The following LDB2 variants were observed in gnomAD, a reference collection of about 807,000 sequenced individuals.
LDB2 encodes the protein LIM domain-binding protein 2.
Under a neutral mutation model 44.3 loss-of-function variants are expected in LDB2, and 12 were observed. That is an observed-to-expected ratio of 0.27 (90% CI 0.17 to 0.44). The LOEUF is 0.44. Among genes scored for constraint, LDB2 ranks in the 20% least tolerant of loss-of-function variants. The pLI is 1.00. For synonymous variants in LDB2, 164 were observed against 174.8 expected (o/e 0.94, Z 0.49); for missense variants, 344 against 473.5 (o/e 0.73, Z 2.54).
At chr4:16,750,510 T>A (rs1053974859) in intron 2 of LDB2, among the ~76,000 whole-genome samples, 6 of 152,174 alleles carry the variant, frequency 3.9e-5, no homozygotes, top group African/African-American at 1.4e-4. Context: ...GGCTCATGAG[T>A]ACAGTGTCTG....
At chr4:16,560,412 A>G (rs1741637206) in intron 5 of LDB2, among the ~76,000 whole-genome samples, 1 of 152,212 alleles carries the variant, frequency 6.6e-6, no homozygotes, top group Non-Finnish European at 1.5e-5. Context: ...AGAAATACAA[A>G]CTACCATCAG....
chr4:16,565,430 C>T (rs886894162), intron 5 of LDB2, among the ~76,000 whole-genome samples: 5 of 151,370 alleles, frequency 3.3e-5, no homozygotes, highest in South Asian at 2.1e-4. Context: ...TGATAAAATT[C>T]GACATCCATT....
chr4:16,803,881 A>G (rs1384310543), intron 1 of LDB2, among the ~76,000 whole-genome samples: 4 of 152,254 alleles, frequency 2.6e-5, no homozygotes, highest in Non-Finnish European at 5.9e-5. Flanking sequence ...TAAAAAATAT[A>G]TAACTAATAT....
intron 2 of LDB2, among the ~76,000 whole-genome samples, chr4:16,621,167 C>G (rs927092396): frequency 6.6e-6 from 1 of 152,134 alleles, no homozygotes; most frequent in Non-Finnish European, 1.5e-5. Flanking sequence ...AGACTCATAA[C>G]GGGGGAGCAT....
intron 1 of LDB2, among the ~76,000 whole-genome samples, chr4:16,821,134 C>T (rs998379933): frequency 5.3e-5 from 8 of 152,110 alleles, no homozygotes; most frequent in African/African-American, 1.7e-4. Flanking sequence ...AAATATTTTA[C>T]CCATTTGGCA....
intron 1 of LDB2, among the ~76,000 whole-genome samples, chr4:16,895,100 T>C (rs1195446433): frequency 3.4e-5 from 5 of 145,882 alleles, no homozygotes; most frequent in African/African-American, 1.3e-4. Flanking sequence ...CACTCTTTAC[T>C]TCATAATACT....
At chr4:16,845,142 A>C (rs1486596178) in intron 1 of LDB2, among the ~76,000 whole-genome samples, 2 of 152,146 alleles carry the variant, frequency 1.3e-5, no homozygotes, top group African/African-American at 2.4e-5. Flanking sequence ...GAGGCTGCAC[A>C]AGGTCAGTGG....
At chr4:16,804,253 T>TCCTA (rs1778374374) in intron 1 of LDB2, among the ~76,000 whole-genome samples, 1 of 152,148 alleles carries the variant, frequency 6.6e-6, no homozygotes, top group South Asian at 2.1e-4. Flanking sequence ...GCTAGGTACA[T>TCCTA]ATTTTTATAC....
rs372805373 is a variant in LDB2 at position 16,890,176 on chromosome 4, G to A, written c.132+8178C>T. Among the ~76,000 whole-genome samples, 10 of 152,308 alleles carry A rather than the reference G, an allele frequency of 6.6e-5. No homozygotes were observed. The East Asian group carries it at 1.5e-3, about 24-fold the overall frequency. On this transcript the variant is annotated intron_variant, in intron 1 of 7. Coordinates refer to ENST00000304523, the MANE Select transcript of LDB2 (RefSeq NM_001290.5). Reference sequence around the variant, plus strand: ...CGTGGCTCCAGTCCAGTGAACACTTGGTAGCAGATAAGAATGGACCATCAG... The same window carrying A: ...CGTGGCTCCAGTCCAGTGAACACTTAGTAGCAGATAAGAATGGACCATCAG...
intron 1 of LDB2, among the ~76,000 whole-genome samples, chr4:16,877,425 C>T (rs1718765409): frequency 6.6e-6 from 1 of 152,114 alleles, no homozygotes; most frequent in East Asian, 1.9e-4. Context: ...GAAACTGAGA[C>T]CCATTATGCA....
At chr4:16,793,416 G>T (rs1271822079) in intron 1 of LDB2, among the ~76,000 whole-genome samples, 1 of 152,118 alleles carries the variant, frequency 6.6e-6, no homozygotes, top group Admixed American at 6.5e-5. Flanking sequence ...ATACTTAAAG[G>T]TTTGGAGGGT....
intron 5 of LDB2, among the ~76,000 whole-genome samples, chr4:16,554,916 G>A (rs981262923): frequency 6.6e-6 from 1 of 152,174 alleles, no homozygotes; most frequent in African/African-American, 2.4e-5. Context: ...GGAAACTATG[G>A]ACTTTGGGTG....
chr4:16,630,653 A>G (rs1194638668), intron 2 of LDB2, among the ~76,000 whole-genome samples: 1 of 152,210 alleles, frequency 6.6e-6, no homozygotes, highest in East Asian at 1.9e-4. Flanking sequence ...CAAATTGGAT[A>G]AAGAGTCGAG....
intron 2 of LDB2, among the ~76,000 whole-genome samples, chr4:16,745,432 G>A (rs186945737): frequency 7.9e-5 from 12 of 152,286 alleles, no homozygotes; most frequent in East Asian, 5.8e-4. Flanking sequence ...GCCCATTTGC[G>A]AATAAGCATA....
intron 2 of LDB2, among the ~76,000 whole-genome samples, chr4:16,672,085 A>G (rs1578655972): frequency 6.6e-6 from 1 of 152,264 alleles, no homozygotes; most frequent in Middle Eastern, 3.4e-3. Context: ...CCCTTTACTG[A>G]GCACTTACCA....
chr4:16,788,115 G>A (rs1774875319), intron 1 of LDB2, among the ~76,000 whole-genome samples: 1 of 152,206 alleles, frequency 6.6e-6, no homozygotes, highest in South Asian at 2.1e-4. Context: ...GCTGAGGGCT[G>A]GGCATTGGGC....
rs1334175504 is a variant in LDB2 at position 16,632,217 on chromosome 4, T to C, written c.236-36342A>G. Among the ~76,000 whole-genome samples the C allele has an allele frequency of 2.6e-5, 4 of 152,244 alleles. No homozygotes were observed. The East Asian group carries it at 7.7e-4, about 29-fold the overall frequency. ...CTGGGAAACTGAATCCAGCAGCACATCAAAAAGCTTATCCACCATGATCAA... is the reference window on the plus strand; with the variant it reads ...CTGGGAAACTGAATCCAGCAGCACACCAAAAAGCTTATCCACCATGATCAA... On this transcript the variant is annotated intron_variant, in intron 2 of 7. Transcript: ENST00000304523.
At chr4:16,834,554 C>T (rs777761968) in intron 1 of LDB2, among the ~76,000 whole-genome samples, 3 of 152,040 alleles carry the variant, frequency 2.0e-5, no homozygotes, top group Non-Finnish European at 2.9e-5. Context: ...CAAGGCCAGG[C>T]ACGGTGGCTC....
At chr4:16,821,379 T>A (rs1781939807) in intron 1 of LDB2, among the ~76,000 whole-genome samples, 2 of 106,608 alleles carry the variant, frequency 1.9e-5, no homozygotes, top group Admixed American at 1.9e-4. Context: ...TATTTGAATT[T>A]TTTTTTTATT....
Sources: gnomAD v4.1 joint callset for allele counts (sites outside exome capture counted in the v4.1 genomes callset) on GRCh38, gnomAD v4.1.1 for gene constraint, MANE v1.5 for transcripts, NCBI Gene and HGNC (gene_info 2026-07-23, HGNC 2026-07-21) for gene names.